The following C9orf153 variants were observed in gnomAD, a reference collection of about 807,000 sequenced individuals.
The protein encoded by C9orf153 is chromosome 9 open reading frame 153.
C9orf153 carries 10 observed loss-of-function variants against 9.0 expected under a neutral mutation model. The observed-to-expected ratio is 1.11, with a 90% CI of 0.69 to 1.89. The LOEUF is 1.89. Ranked by LOEUF, C9orf153 falls within the 40% of genes most tolerant of loss-of-function variation. The probability of loss-of-function intolerance (pLI) is 0.00; values close to 1 mark genes in which losing one functional copy is unlikely to be tolerated. For missense variants in C9orf153, 108 were observed against 111.0 expected, an observed-to-expected ratio of 0.97 and a Z score of 0.12; for synonymous variants, 35 against 37.3, an observed-to-expected ratio of 0.94 and a Z score of 0.23.
intron 1 of C9orf153, among the ~76,000 whole-genome samples, chr9:86,234,227 C>T (rs1050805216): frequency 6.6e-6 from 1 of 152,218 alleles, no homozygotes; most frequent in Non-Finnish European, 1.5e-5. Flanking sequence ...TATGCTCACT[C>T]TGATTTCCCA....
At chr9:86,257,570 T>TC (rs1198060032) in intron 1 of C9orf153, among the ~76,000 whole-genome samples, 1 of 152,212 alleles carries the variant, frequency 6.6e-6, no homozygotes, top group African/African-American at 2.4e-5. Flanking sequence ...ATTTCCTTGA[T>TC]CCCTTACCCT....
intron 1 of C9orf153, among the ~76,000 whole-genome samples, chr9:86,240,314 G>C (rs1824702108): frequency 6.6e-6 from 1 of 151,700 alleles, no homozygotes; most frequent in Non-Finnish European, 1.5e-5. Flanking sequence ...TTATGCTATA[G>C]TGGATAAATA....
At chr9:86,225,776 T>C (rs1021795453) in intron 3 of C9orf153, among the ~76,000 whole-genome samples, 1 of 152,122 alleles carries the variant, frequency 6.6e-6, no homozygotes, top group East Asian at 1.9e-4. Context: ...TGAGCCACCA[T>C]GCCCAGCCAG....
intron 1 of C9orf153, among the ~76,000 whole-genome samples, chr9:86,236,978 T>C (rs1383933434): frequency 1.3e-5 from 2 of 150,468 alleles, no homozygotes; most frequent in African/African-American, 4.9e-5. Context: ...GGCAAGAATG[T>C]ATTCAAACAA....
intron 1 of C9orf153, among the ~76,000 whole-genome samples, chr9:86,253,578 CATT>C (rs1825040853): frequency 6.6e-6 from 1 of 152,204 alleles, no homozygotes; most frequent in African/African-American, 2.4e-5. Context: ...ACCAACCAAT[CATT>C]ATTCTTGCTA....
At chr9:86,231,362 T>C (rs1193932407) in intron 1 of C9orf153, among the ~76,000 whole-genome samples, 2 of 152,138 alleles carry the variant, frequency 1.3e-5, no homozygotes, top group Non-Finnish European at 2.9e-5. Context: ...AAACCCTTAT[T>C]GGTAGGTAAG....
intron 1 of C9orf153, 61 bp from the exon 2 acceptor site, chr9:86,229,690 A>AG (rs35839895): frequency 1.0e-6 from 1 of 974,910 alleles, no homozygotes; most frequent in Non-Finnish European, 1.6e-6. Flanking sequence ...TAGAATACAA[A>AG]GGGGGAGGTG....
At chr9:86,227,401 A>G (rs1341938690) in intron 3 of C9orf153, 1 of 1,499,562 alleles carries the variant, frequency 6.7e-7, no homozygotes, top group Non-Finnish European at 8.9e-7. Flanking sequence ...TTGACACTGT[A>G]TAAAGCAAAC....
At chr9:86,245,317 T>C (rs1824841483) in intron 1 of C9orf153, among the ~76,000 whole-genome samples, 1 of 152,214 alleles carries the variant, frequency 6.6e-6, no homozygotes, top group African/African-American at 2.4e-5. Context: ...TAATATTCAG[T>C]AGTGTTAACT....
At chr9:86,238,499 C>A (rs1043777064) in intron 1 of C9orf153, among the ~76,000 whole-genome samples, 2 of 152,134 alleles carry the variant, frequency 1.3e-5, no homozygotes, top group African/African-American at 4.8e-5. Context: ...TTTCAAAATA[C>A]CTGGAATATG....
rs1333429023 is a variant in C9orf153 at position 86,221,319 on chromosome 9, A to G, written c.*369T>C. On this transcript the variant is annotated 3_prime_UTR_variant, in exon 4 of 4. Coordinates refer to ENST00000339137, the MANE Select transcript of C9orf153 (RefSeq NM_001276366.4). ...CACCGTCCAAACCACTTCTCACGTT[A>G]GCAGATTAAATCGGACCTTTTGCTC... 5.6e-6 allele frequency: 1 copy of G among 178,720 alleles called. No individual in the cohort carries two copies. Among genetic ancestry groups the G allele is most frequent in the African/African-American group, 2.4e-5 (1 of 42,406 alleles). The allele number at this position is 178,720 out of a possible 1,614,324, so 11.1% of individuals were successfully genotyped here.
rs1825205561 is a variant in C9orf153 at position 86,259,642 on chromosome 9, C to T, written c.-119G>A. The T allele has an allele frequency of 6.6e-6, 1 of 152,264 alleles. No individual in the cohort carries two copies. Among genetic ancestry groups the T allele is most frequent in the South Asian group, 2.1e-4 (1 of 4,822 alleles). The allele number at this position is 152,264 out of a possible 1,614,324, so 9.4% of individuals were successfully genotyped here. On this transcript the variant is annotated 5_prime_UTR_variant, in exon 1 of 4. Coordinates refer to ENST00000339137, the MANE Select transcript of C9orf153 (RefSeq NM_001276366.4). ...GGCTGGGTCTCATTCATCCAGCAGC[C>T]CCAAGGCCCAGCCCCACTCCTAGCA...
At chr9:86,255,113 A>T (rs901472941) in intron 1 of C9orf153, among the ~76,000 whole-genome samples, 1 of 152,018 alleles carries the variant, frequency 6.6e-6, no homozygotes. Flanking sequence ...TCAAGAATAT[A>T]TGGACAATAT....
chr9:86,221,540 A>C lies in C9orf153; in HGVS notation c.*148T>G. 1 of 1,348,278 alleles carries C rather than the reference A, an allele frequency of 7.4e-7. No individual in the cohort carries two copies. The highest frequency in any genetic ancestry group is 9.5e-7 in the Non-Finnish European group (1 of 1,048,638). 83.5% of individuals were successfully genotyped at this position (1,348,278 alleles called of 1,614,324 possible). On this transcript the variant is annotated 3_prime_UTR_variant, in exon 4 of 4. Coordinates refer to ENST00000339137, the MANE Select transcript of C9orf153 (RefSeq NM_001276366.4). ...AATAACTTCCTTCATTTTGATAATC[A>C]ATTTGAGGATAAATGACCAAAGACT... is the stretch of plus-strand genomic sequence containing the variant.
At chr9:86,227,826 C>T in intron 3 of C9orf153, 29 bp downstream of exon 3, 1 of 1,587,750 alleles carries the variant, frequency 6.3e-7, no homozygotes, top group Non-Finnish European at 8.6e-7. Flanking sequence ...ATCATGGATG[C>T]TTGCTTCTCT....
chr9:86,241,019 C>T (rs897588266), intron 1 of C9orf153, among the ~76,000 whole-genome samples: 3 of 151,862 alleles, frequency 2.0e-5, no homozygotes, highest in African/African-American at 7.3e-5. Context: ...ATTTGCTTTT[C>T]TTTTGTGCCC....
chr9:86,230,260 C>T (rs1824441192), intron 1 of C9orf153, among the ~76,000 whole-genome samples: 1 of 152,152 alleles, frequency 6.6e-6, no homozygotes, highest in Non-Finnish European at 1.5e-5. Context: ...AGTTTTAATA[C>T]TAGTGTAACA....
At chr9:86,241,833 T>C (rs1824751182) in intron 1 of C9orf153, among the ~76,000 whole-genome samples, 1 of 151,850 alleles carries the variant, frequency 6.6e-6, no homozygotes, top group Admixed American at 6.6e-5. Context: ...ACCATGTTGG[T>C]CAGGCTGGTC....
At chr9:86,248,571 G>C (rs748132038) in intron 1 of C9orf153, among the ~76,000 whole-genome samples, 2 of 152,164 alleles carry the variant, frequency 1.3e-5, no homozygotes, top group Non-Finnish European at 2.9e-5. Flanking sequence ...GTTGAATGCT[G>C]AGTTGGGGGC....
Sources: allele counts gnomAD v4.1 joint callset (sites outside exome capture counted in the v4.1 genomes callset), GRCh38; gene constraint gnomAD v4.1.1; transcripts MANE v1.5; gene names NCBI Gene and HGNC (gene_info 2026-07-23, HGNC 2026-07-21).